The following KCNJ3 variants were observed in gnomAD, a reference collection of about 807,000 sequenced individuals.
The protein encoded by KCNJ3 is potassium inwardly rectifying channel subfamily J member 3.
Under a neutral mutation model 39.2 loss-of-function variants are expected in KCNJ3, and 4 were observed. The ratio of observed to expected loss-of-function variants is 0.10; its 90% CI spans 0.05 to 0.23. The LOEUF (loss-of-function observed/expected upper bound fraction) is 0.23, where lower values mean the gene tolerates loss of function less well. Ranked by LOEUF, KCNJ3 falls within the 10% of genes least tolerant of loss-of-function variation. The probability of loss-of-function intolerance (pLI) is 1.00; values close to 1 mark genes in which losing one functional copy is unlikely to be tolerated. For synonymous variants in KCNJ3, 230 were observed against 237.4 expected, an observed-to-expected ratio of 0.97 and a Z score of 0.29; for missense variants, 276 against 634.9, an observed-to-expected ratio of 0.43 and a Z score of 6.08.
intron 2 of KCNJ3, among the ~76,000 whole-genome samples, chr2:154,743,362 G>C (rs924235572): frequency 2.0e-5 from 3 of 151,678 alleles, no homozygotes; most frequent in Non-Finnish European, 4.4e-5. Context: ...ATTTTAAGAT[G>C]AGTTTTTCTA....
chr2:154,722,250 G>A (rs539404741), intron 2 of KCNJ3, among the ~76,000 whole-genome samples: 17 of 152,216 alleles, frequency 1.1e-4, no homozygotes, highest in South Asian at 8.3e-4. Flanking sequence ...GTACACAATG[G>A]TGAATAAGAA....
At chr2:154,833,360 CT>C (rs1211318243) in intron 2 of KCNJ3, among the ~76,000 whole-genome samples, 2 of 152,150 alleles carry the variant, frequency 1.3e-5, no homozygotes, top group East Asian at 3.9e-4. Context: ...ATTTTTTAAA[CT>C]TTAAAATTTT....
rs535284171 is a variant in KCNJ3, at chr2:154,831,695, G to A, written c.920-23032G>A. ...ATTAAGAACAGAAAATTTATGCAAC[G>A]ATACCACCAAGGTACTGGCAAATAT... is the stretch of plus-strand genomic sequence containing the variant. On this transcript the variant is annotated intron_variant, in intron 2 of 2. Coordinates refer to ENST00000295101, the MANE Select transcript of KCNJ3 (RefSeq NM_002239.4). Among the ~76,000 whole-genome samples the A allele has an allele frequency of 1.1e-4, 16 of 152,228 alleles. No individual in the cohort carries two copies. The East Asian group carries it at 2.5e-3, about 24-fold the overall frequency.
intron 1 of KCNJ3, among the ~76,000 whole-genome samples, chr2:154,702,871 A>T (rs543442416): frequency 6.7e-6 from 1 of 150,268 alleles, no homozygotes; most frequent in Non-Finnish European, 1.5e-5. Flanking sequence ...TATTTTAGTT[A>T]TCTTCTTTTC....
rs1360303768 is a variant in KCNJ3 at position 154,699,943 on chromosome 2, T to G, written c.702+466T>G. Among the ~76,000 whole-genome samples, 1 of 152,178 alleles carries G rather than the reference T, an allele frequency of 6.6e-6. No individual in the cohort carries two copies. Among genetic ancestry groups the G allele is most frequent in the African/African-American group, 2.4e-5 (1 of 41,446 alleles). ...CTCAACTTTCACGATGGGCTTTTCT[T>G]ATTTTTTTCTTTCCTTTTTTTCCCC... On this transcript the variant is annotated intron_variant, in intron 1 of 2. Coordinates refer to ENST00000295101, the MANE Select transcript of KCNJ3 (RefSeq NM_002239.4). This position sits in a 1 kb window ranked among gnomAD's most constrained non-coding sequence, Gnocchi z 6.4.
rs947490175 is a variant in KCNJ3 at position 154,855,440 on chromosome 2, A to C, written c.*127A>C. On this transcript the variant is annotated 3_prime_UTR_variant, in exon 3 of 3. Transcript: ENST00000295101. ...CCCAGTTCTACAAGCATATTTGAGA[A>C]CCCTTCCTTTCCCAAGTATTGCGAA... is the stretch of plus-strand genomic sequence containing the variant. 2 of 678,060 alleles carry C rather than the reference A, an allele frequency of 2.9e-6. No individual in the cohort carries two copies. The highest frequency in any genetic ancestry group is 4.4e-5 in the South Asian group (2 of 45,824). The allele number at this position is 678,060 out of a possible 1,614,324, so 42.0% of individuals were successfully genotyped here. A position where few individuals can be genotyped will look rare whatever the true frequency, so the allele number is the denominator to read the frequency against.
At chr2:154,816,078 G>T (rs1386215922) in intron 2 of KCNJ3, among the ~76,000 whole-genome samples, 6 of 152,106 alleles carry the variant, frequency 3.9e-5, no homozygotes, top group African/African-American at 1.4e-4. Context: ...GTGTTGCTCT[G>T]CCTCGCATGT....
rs540156494 is a variant in KCNJ3, at chr2:154,804,950, A to AC, written c.920-49776dup. Among the ~76,000 whole-genome samples, 447 of 152,226 alleles carry AC rather than the reference A, an allele frequency of 2.9e-3. 4 individuals are homozygous for AC. The highest frequency in any genetic ancestry group is 0.01 in the African/African-American group (433 of 41,560). On this transcript the variant is annotated intron_variant, in intron 2 of 2. Transcript: ENST00000295101. ...GTGTTTCAATATAAAATTATAGAGA[A>AC]CACCACATTACAAATGGATTATATT...
intron 2 of KCNJ3, among the ~76,000 whole-genome samples, chr2:154,849,024 T>C (rs1334638496): frequency 1.3e-5 from 2 of 152,168 alleles, no homozygotes; most frequent in Admixed American, 1.3e-4. Context: ...GTTTCTTCTT[T>C]TGCCTACACA....
chr2:154,709,832 A>T lies in KCNJ3; in HGVS notation c.919+13A>T, dbSNP rs1180239973. 1 of 1,613,062 alleles carries T rather than the reference A, an allele frequency of 6.2e-7. No homozygotes were observed. The highest frequency in any genetic ancestry group is 1.7e-5 in the Admixed American group (1 of 59,894). On this transcript the variant is annotated intron_variant, in intron 2 of 2. Transcript: ENST00000295101. ...GTGGAAACAACTGGTGAGTAAAAAC[A>T]GATATGCCATAAAGTTTCTTTATAC...
At chr2:154,703,436 CAT>C (rs1243671436) in intron 1 of KCNJ3, among the ~76,000 whole-genome samples, 4 of 151,650 alleles carry the variant, frequency 2.6e-5, no homozygotes, top group East Asian at 3.9e-4. Context: ...TCTAACATCA[CAT>C]ATGTTATTTT....
At chr2:154,732,221 C>G (rs1685459371) in intron 2 of KCNJ3, among the ~76,000 whole-genome samples, 2 of 152,048 alleles carry the variant, frequency 1.3e-5, no homozygotes, top group Non-Finnish European at 2.9e-5. Context: ...GAGTTTTGCA[C>G]CTTGCATACG....
chr2:154,775,875 T>A (rs1439249899), intron 2 of KCNJ3, among the ~76,000 whole-genome samples: 1 of 152,208 alleles, frequency 6.6e-6, no homozygotes, highest in African/African-American at 2.4e-5. Context: ...GTAATATCTA[T>A]GAGGCAGACA....
At chr2:154,735,262 TTTTC>T (rs1360067606) in intron 2 of KCNJ3, among the ~76,000 whole-genome samples, 51 of 149,770 alleles carry the variant, frequency 3.4e-4, no homozygotes, top group Non-Finnish European at 6.8e-4. Flanking sequence ...ACTTTTTTTT[TTTTC>T]TTTCTTTCTT....
intron 2 of KCNJ3, among the ~76,000 whole-genome samples, chr2:154,806,120 C>T (rs574651153): frequency 6.6e-6 from 1 of 152,150 alleles, no homozygotes; most frequent in South Asian, 2.1e-4. Context: ...TGTTTCCTCT[C>T]GAGAATTGTG....
intron 2 of KCNJ3, among the ~76,000 whole-genome samples, chr2:154,731,081 T>G (rs1685441626): frequency 6.6e-6 from 1 of 152,016 alleles, no homozygotes; most frequent in Non-Finnish European, 1.5e-5. Context: ...GAGTTTGAGG[T>G]TAAGGTAGCC....
chr2:154,856,595 G>A lies in KCNJ3; in HGVS notation c.*1282G>A, dbSNP rs1317796393. ...TAGTTCAGGAGGAAGTTTTTGCACAGACCAGAGAGAAATTAAAATTAGATG... is the reference window on the plus strand; with the variant it reads ...TAGTTCAGGAGGAAGTTTTTGCACAAACCAGAGAGAAATTAAAATTAGATG... On this transcript the variant is annotated 3_prime_UTR_variant, in exon 3 of 3. Transcript: ENST00000295101. 6.6e-6 allele frequency: 1 copy of A among 152,076 alleles called. No individual in the cohort carries two copies. The highest frequency in any genetic ancestry group is 1.5e-5 in the Non-Finnish European group (1 of 68,000). 9.4% of individuals were successfully genotyped at this position (152,076 alleles called of 1,614,324 possible). A position where few individuals can be genotyped will look rare whatever the true frequency, so the allele number is the denominator to read the frequency against.
intron 1 of KCNJ3, among the ~76,000 whole-genome samples, chr2:154,704,627 T>C (rs1165568367): frequency 6.6e-6 from 1 of 152,116 alleles, no homozygotes; most frequent in East Asian, 1.9e-4. Flanking sequence ...GGAGTCCAAA[T>C]AAATGTACAA....
intron 2 of KCNJ3, among the ~76,000 whole-genome samples, chr2:154,794,601 T>C (rs956209767): frequency 3.9e-5 from 6 of 152,010 alleles, no homozygotes; most frequent in African/African-American, 1.4e-4. Context: ...AAATTCTGTC[T>C]TTTCATTTCC....
Sources: allele counts gnomAD v4.1 joint callset (sites outside exome capture counted in the v4.1 genomes callset), GRCh38; gene constraint gnomAD v4.1.1; non-coding constraint Gnocchi (gnomAD v3.1); transcripts MANE v1.5; gene names NCBI Gene and HGNC (gene_info 2026-07-23, HGNC 2026-07-21).